MAP3K6: variants seen among roughly 807,000 people sequenced by gnomAD.
MAP3K6 encodes apoptosis signal-regulating kinase 2.
In MAP3K6, 105 loss-of-function variants were observed where a neutral mutation model predicts 147.1. The observed-to-expected ratio is 0.71, with a 90% CI of 0.61 to 0.84. The LOEUF (loss-of-function observed/expected upper bound fraction) is 0.84, where lower values mean the gene tolerates loss of function less well. Among genes scored for constraint, MAP3K6 ranks in the 40% least tolerant of loss-of-function variants. The pLI, the probability that MAP3K6 is intolerant of heterozygous loss-of-function variation, is 0.00. For missense variants in MAP3K6, 1,569 were observed against 1,715.0 expected (o/e 0.91, Z 1.50); for synonymous variants, 695 against 732.4 (o/e 0.95, Z 0.82).
rs45616532 is a variant in MAP3K6 at position 27,359,823 on chromosome 1, T to C, written c.2319+35A>G. 0.068 allele frequency: 108,821 copies of C among 1,611,286 alleles called. 13,595 individuals carry two copies. Among genetic ancestry groups the C allele is most frequent in the African/African-American group, 0.55 (41,429 of 74,828 alleles). ...GACCATGTTTCCTTCCCCGCCACCC[T>C]CAGCAGATGAGGGCGGGCCAGCCCC... On this transcript the variant is annotated intron_variant, in intron 17 of 28. Coordinates refer to ENST00000357582, the MANE Select transcript of MAP3K6 (RefSeq NM_004672.5). The surrounding 1 kb of genome is among the most constrained non-coding windows in gnomAD (Gnocchi z 4.4).
Position 27,366,119 on chromosome 1 carries a change from C to T in MAP3K6, c.340+139G>A, listed in dbSNP as rs1280587564. 1 of 948,956 alleles carries T rather than the reference C, an allele frequency of 1.1e-6. No individual in the cohort carries two copies. Among genetic ancestry groups the T allele is most frequent in the East Asian group, 3.4e-5 (1 of 29,772 alleles). 58.8% of individuals were successfully genotyped at this position (948,956 alleles called of 1,614,324 possible). On this transcript the variant is annotated intron_variant, in intron 1 of 28. Transcript: ENST00000357582. This position sits in a 1 kb window ranked among gnomAD's most constrained non-coding sequence, Gnocchi z 5.5. ...ACTTTTTTCACGGCCCTGTCCCAAG[C>T]CCTTCAGCTTTAGCTCACTTTAAGT...
At position 27,360,556 on chromosome 1, in the gene MAP3K6, C is replaced by A. The variant is rs1177611231; in HGVS notation, c.2054+149G>T. 4 of 1,393,128 alleles carry A rather than the reference C, an allele frequency of 2.9e-6. No individual in the cohort carries two copies. Among genetic ancestry groups the A allele is most frequent in the Non-Finnish European group, 3.8e-6 (4 of 1,050,842 alleles). 86.3% of individuals were successfully genotyped at this position (1,393,128 alleles called of 1,614,324 possible). On this transcript the variant is annotated intron_variant, in intron 15 of 28. Coordinates refer to ENST00000357582, the MANE Select transcript of MAP3K6 (RefSeq NM_004672.5). The surrounding 1 kb of genome is among the most constrained non-coding windows in gnomAD (Gnocchi z 4.5). ...TCCCGCCCGCACGGTCCTGGCTGTT[C>A]CGCCCACGGGCCCAGTCCACAGGGC... is the stretch of plus-strand genomic sequence containing the variant.
At position 27,358,333 on chromosome 1, in the gene MAP3K6, A is replaced by G. The variant is rs771670187; in HGVS notation, c.2777-14T>C. The G allele has an allele frequency of 4.4e-6, 7 of 1,604,088 alleles. No individual in the cohort carries two copies. Among genetic ancestry groups the G allele is most frequent in the Non-Finnish European group, 5.9e-6 (7 of 1,177,264 alleles). On this transcript the variant is annotated splice_polypyrimidine_tract_variant and intron_variant, in intron 20 of 28. Transcript: ENST00000357582. The surrounding 1 kb of genome is among the most constrained non-coding windows in gnomAD (Gnocchi z 6.2). ...CAGAAGGGGCATCTGAGGGAGGGAC[A>G]GAGCCATCAGCTGGGCTCTCCTCCA...
Position 27,355,255 on chromosome 1 carries a change from A to T in MAP3K6, c.*136T>A. 1.2e-6 allele frequency: 1 copy of T among 815,308 alleles called. No individual in the cohort carries two copies. Among genetic ancestry groups the T allele is most frequent in the Non-Finnish European group, 2.2e-6 (1 of 458,628 alleles). The allele number at this position is 815,308 out of a possible 1,614,324, so 50.5% of individuals were successfully genotyped here. On this transcript the variant is annotated 3_prime_UTR_variant, in exon 29 of 29. Transcript: ENST00000357582. ...GCCTGTGGTTGGTTTCTCTCACTGG[A>T]ACCAGTCCTGGGCCCCACTCGCCTG...
chr1:27,357,083 CG>C lies in MAP3K6; in HGVS notation c.3289del (p.Arg1097ValfsTer23), dbSNP rs1418996847. The C allele has an allele frequency of 6.2e-7, 1 of 1,614,072 alleles. No homozygotes were observed. Among genetic ancestry groups the C allele is most frequent in the Admixed American group, 1.7e-5 (1 of 60,026 alleles). On this transcript the variant is annotated frameshift_variant, in exon 24 of 29. Transcript: ENST00000357582. LOFTEE classifies it high-confidence loss of function. ...VKQILRKRQI[R>X]PHWMFVLDSL... is the part of the protein sequence containing the mutation. ...GTCCAGAACGAACATCCAGTGTGGA[CG>C]GATCTGGCGCTTGCGGAGGATCTGC...
In MAP3K6 at chr1:27,356,996, A is replaced by G. The variant is rs1362134653; in HGVS notation, c.3364+13T>C. On this transcript the variant is annotated intron_variant, in intron 24 of 28. Coordinates refer to ENST00000357582, the MANE Select transcript of MAP3K6 (RefSeq NM_004672.5). ...CCCTCGCTGGCAGGAGGCCCGTGGC[A>G]TTCCCCTCCTACCCGGTCCTAGCAC... 1 of 1,611,950 alleles carries G rather than the reference A, an allele frequency of 6.2e-7. No individual in the cohort carries two copies. Among genetic ancestry groups the G allele is most frequent in the East Asian group, 2.2e-5 (1 of 44,862 alleles).
chr1:27,356,803 C>A, intron 24 of MAP3K6, 54 bp from the exon 25 acceptor site: 1 of 1,522,542 alleles, frequency 6.6e-7, no homozygotes, highest in East Asian at 2.3e-5. Context: ...TTTGGGAACC[C>A]CAGACCCCAA....
chr1:27,358,075 T>C lies in MAP3K6; in HGVS notation c.2915+106A>G. ...GCATGGGGAGGCACCAAATGCCACA[T>C]TCACAAGTGGTCAAGGTGCCCAGGT... On this transcript the variant is annotated intron_variant, in intron 21 of 28. Transcript: ENST00000357582. This position sits in a 1 kb window ranked among gnomAD's most constrained non-coding sequence, Gnocchi z 6.2. 5 of 1,511,576 alleles carry C rather than the reference T, an allele frequency of 3.3e-6. No homozygotes were observed. The highest frequency in any genetic ancestry group is 4.4e-6 in the Non-Finnish European group (5 of 1,131,814). 93.6% of individuals were successfully genotyped at this position (1,511,576 alleles called of 1,614,324 possible).
At position 27,364,586 on chromosome 1, in the gene MAP3K6, A is replaced by T; in HGVS notation, c.504+75T>A. Reference sequence around the variant, plus strand: ...GGGGGGTTAGGTGACTGAGGAGGCCAGGGGGATTAGTGGAGGTCAGAGGTC... The same window carrying T: ...GGGGGGTTAGGTGACTGAGGAGGCCTGGGGGATTAGTGGAGGTCAGAGGTC... On this transcript the variant is annotated intron_variant, in intron 3 of 28. Transcript: ENST00000357582. The surrounding 1 kb of genome is among the most constrained non-coding windows in gnomAD (Gnocchi z 4.4). 6.2e-7 allele frequency: 1 copy of T among 1,605,194 alleles called. No individual in the cohort carries two copies. Among genetic ancestry groups the T allele is most frequent in the South Asian group, 1.1e-5 (1 of 90,850 alleles).
Position 27,357,863 on chromosome 1 carries a change from G to A in MAP3K6, c.2929C>T (p.Pro977Ser). 6.3e-7 allele frequency: 1 copy of A among 1,592,280 alleles called. No individual in the cohort carries two copies. Residue 977 changes from proline to serine, a missense_variant, in exon 22 of 29, where the codon CCT becomes TCT. Physicochemically the swap from Pro to Ser is moderately conservative, Grantham distance 74 (BLOSUM62 -1). Coordinates refer to ENST00000357582, the MANE Select transcript of MAP3K6 (RefSeq NM_004672.5). Reference protein sequence around the residue: ...GTSQLRVPEEPAAEEPASPEE... With the variant: ...GTSQLRVPEESAAEEPASPEE... ...GGAGACGCAGGCTCCTCGGCCGCAGGCTCCTCGGGCACCCTGGGCACAAGG... is the reference window on the plus strand; with the variant it reads ...GGAGACGCAGGCTCCTCGGCCGCAGACTCCTCGGGCACCCTGGGCACAAGG...
Position 27,358,219 on chromosome 1 carries a change from C to T in MAP3K6, c.2877G>A (p.Pro959=), listed in dbSNP as rs376956203. ...QAPSQHPPSP[P]KRCLSYGGTS... The stretch of plus-strand genomic sequence containing the variant: ...TGCCCCCATAACTGAGGCAGCGCTT[C>T]GGGGGGCTGGGTGGGTGCTGAGAGG... Residue 959 remains proline (P), a synonymous_variant, in exon 21 of 29, where the codon CCG becomes CCA. Coordinates refer to ENST00000357582, the MANE Select transcript of MAP3K6 (RefSeq NM_004672.5). This position sits in a 1 kb window ranked among gnomAD's most constrained non-coding sequence, Gnocchi z 6.2. The T allele has an allele frequency of 1.9e-5, 31 of 1,596,004 alleles. No individual in the cohort carries two copies. Among genetic ancestry groups the T allele is most frequent in the Middle Eastern group, 1.7e-4 (1 of 5,988 alleles).
Position 27,366,217 on chromosome 1 carries a change from T to A in MAP3K6, c.340+41A>T. The A allele has an allele frequency of 7.8e-7, 1 of 1,276,110 alleles. No homozygotes were observed. The allele number at this position is 1,276,110 out of a possible 1,614,324, so 79.0% of individuals were successfully genotyped here. On this transcript the variant is annotated intron_variant, in intron 1 of 28. Transcript: ENST00000357582. The surrounding 1 kb of genome is among the most constrained non-coding windows in gnomAD (Gnocchi z 5.5). ...CCGGCTTGGTCCCCTCCCAGGACCC[T>A]GAGTCCCGCCCGGATCCGGCCCCGC...
At chr1:27,356,133 G>A (rs1297963081) in intron 26 of MAP3K6, 34 bp from the exon 27 acceptor site, 1 of 1,591,480 alleles carries the variant, frequency 6.3e-7, no homozygotes, top group Admixed American at 1.7e-5. Context: ...GAGCCCAAGA[G>A]TGCCTCCTGC....
chr1:27,361,800 C>G lies in MAP3K6; in HGVS notation c.1483G>C (p.Gly495Arg). The G allele has an allele frequency of 6.2e-7, 1 of 1,609,862 alleles. No homozygotes were observed. Among genetic ancestry groups the G allele is most frequent in the Non-Finnish European group, 8.5e-7 (1 of 1,177,920 alleles). The change falls in exon 10 of 29, where the codon GGA becomes CGA. Residue 495 changes from glycine to arginine, a missense_variant. Physicochemically the swap from Gly to Arg is moderately radical, Grantham distance 125 (BLOSUM62 -2). Coordinates refer to ENST00000357582, the MANE Select transcript of MAP3K6 (RefSeq NM_004672.5). ...QHFRPTPEPP[G>R]GPPRRAHFWL... The stretch of plus-strand genomic sequence containing the variant: ...AAGTGGGCACGGCGTGGTGGCCCTC[C>G]AGGGGGCTCTGGCGTGGGCCTGAAG...
At chr1:27,363,633 A>C in intron 5 of MAP3K6, 85 bp from the exon 6 acceptor site, 1 of 1,076,444 alleles carries the variant, frequency 9.3e-7, no homozygotes. Flanking sequence ...CACTCCTGAC[A>C]TCCCACCCAG....
rs1200268474 is a variant in MAP3K6 at position 27,362,835 on chromosome 1, T to C, written c.1142+16A>G. The C allele has an allele frequency of 1.2e-6, 2 of 1,613,150 alleles. No homozygotes were observed. The highest frequency in any genetic ancestry group is 8.5e-7 in the Non-Finnish European group (1 of 1,179,578). On this transcript the variant is annotated intron_variant, in intron 7 of 28. Coordinates refer to ENST00000357582, the MANE Select transcript of MAP3K6 (RefSeq NM_004672.5). The stretch of plus-strand genomic sequence containing the variant: ...TCTCACAGCTTAGCCCACCGGCCAC[T>C]CACTGTGCTCTTTACCAGTGATAGG...
rs1392510235 is a variant in MAP3K6, at chr1:27,362,177, G to A, written c.1329C>T (p.Phe443=). The change falls in exon 9 of 29, where the codon TTC becomes TTT. Residue 443 remains phenylalanine (F), a synonymous_variant. Transcript: ENST00000357582. ...EKMQYYWDVG[F]YLGAQILAND... is the part of the protein sequence containing the mutation. Reference sequence around the variant, plus strand: ...TGGCGAGGATCTGGGCTCCCAGGTAGAAACCCACATCCCAGTAATACTGCA... The same window carrying A: ...TGGCGAGGATCTGGGCTCCCAGGTAAAAACCCACATCCCAGTAATACTGCA... 1 of 1,613,656 alleles carries A rather than the reference G, an allele frequency of 6.2e-7. No individual in the cohort carries two copies.
At position 27,355,442 on chromosome 1, in the gene MAP3K6, C is replaced by T. The variant is rs908050361; in HGVS notation, c.3816G>A (p.Arg1272=). The change falls in exon 29 of 29, where the codon AGG becomes AGA. Residue 1272 remains arginine, a synonymous_variant. Coordinates refer to ENST00000357582, the MANE Select transcript of MAP3K6 (RefSeq NM_004672.5). ...ATCCTGCTCGCTGTGCCAAGATGGC[C>T]CTCCAGATGCGGCATACCATCCCTC... ...IRGGMVCRIW[R]AILAQRAGST... 3 of 1,613,896 alleles carry T rather than the reference C, an allele frequency of 1.9e-6. No homozygotes were observed. Among genetic ancestry groups the T allele is most frequent in the South Asian group, 1.1e-5 (1 of 91,084 alleles).
rs1040402172 is a variant in MAP3K6 at position 27,359,520 on chromosome 1, C to A, written c.2322G>T (p.Gly774=). 1.2e-6 allele frequency: 2 copies of A among 1,614,040 alleles called. No individual in the cohort carries two copies. Among genetic ancestry groups the A allele is most frequent in the African/African-American group, 2.7e-5 (2 of 74,986 alleles). ...TGAAGGTGTTGATCAGCACATTGTCCCCCTGATTGACAGCCATTAGTGGAC... is the reference window on the plus strand; with the variant it reads ...TGAAGGTGTTGATCAGCACATTGTCACCCTGATTGACAGCCATTAGTGGAC... ...DNHIVHRDIK[G]DNVLINTFSG... is the part of the protein sequence containing the mutation. Residue 774 remains glycine, a splice_region_variant and synonymous_variant, in exon 18 of 29, where the codon GGG becomes GGT. Transcript: ENST00000357582. The surrounding 1 kb of genome is among the most constrained non-coding windows in gnomAD (Gnocchi z 4.4).
Sources: gnomAD v4.1 joint callset for allele counts on GRCh38, gnomAD v4.1.1 for gene constraint, Gnocchi (gnomAD v3.1) non-coding constraint, MANE v1.5 for transcripts, NCBI Gene and HGNC (gene_info 2026-07-23, HGNC 2026-07-21) for gene names.